The following TRPM2 variants were observed in gnomAD, a reference collection of about 807,000 sequenced individuals.
TRPM2 encodes transient receptor potential cation channel subfamily M member 2, also known as estrogen-responsive element-associated gene 1 protein.
A neutral mutation model predicts 174.0 loss-of-function variants in TRPM2; 161 were observed. That is an observed-to-expected ratio of 0.93 (90% CI 0.81 to 1.05). The LOEUF is 1.05. Ranked by LOEUF, TRPM2 falls within the 50% of genes least tolerant of loss-of-function variation. The pLI is 0.00. For synonymous variants in TRPM2, 954 were observed against 861.3 expected, an observed-to-expected ratio of 1.11 and a Z score of -1.88; for missense variants, 2,057 against 2,038.0, an observed-to-expected ratio of 1.01 and a Z score of -0.18.
Position 44,391,671 on chromosome 21 carries a change from T to C in TRPM2, c.1794+46T>C, listed in dbSNP as rs777970544. ...CCATCCTGGACTCGTCTTCGCGGGC[T>C]ACTGCTATGTTCTTAGAGCTCTCTG... On this transcript the variant is annotated intron_variant, in intron 11 of 31. Coordinates refer to ENST00000397928, the MANE Select transcript of TRPM2 (RefSeq NM_003307.4). This position sits in a 1 kb window ranked among gnomAD's most constrained non-coding sequence, Gnocchi z 5.0. 14 of 1,462,794 alleles carry C rather than the reference T, an allele frequency of 9.6e-6. No homozygotes were observed. The Admixed American group carries it at 2.8e-4, about 30-fold the overall frequency. 90.6% of individuals were successfully genotyped at this position (1,462,794 alleles called of 1,614,324 possible).
chr21:44,402,990 AC>A (rs1003843096), intron 16 of TRPM2, among the ~76,000 whole-genome samples: 1 of 152,098 alleles, frequency 6.6e-6, no homozygotes, highest in African/African-American at 2.4e-5. Context: ...TGGGGGAGGC[AC>A]CGGCGTCCCC....
chr21:44,378,724 C>T lies in TRPM2; in HGVS notation c.1015-273C>T, dbSNP rs150628442. Among the ~76,000 whole-genome samples, 208 of 152,344 alleles carry T rather than the reference C, an allele frequency of 1.4e-3. 1 individual carries two copies. The highest frequency in any genetic ancestry group is 4.0e-3 in the African/African-American group (165 of 41,574). On this transcript the variant is annotated intron_variant, in intron 7 of 31. Transcript: ENST00000397928. ...CGTCCCCTTTGCTGCGAGGCCCTCA[C>T]GTCTGCAGGTCCATGGGCAAAAATG...
chr21:44,431,344 G>A (rs2051015110), intron 27 of TRPM2, among the ~76,000 whole-genome samples: 1 of 145,124 alleles, frequency 6.9e-6, no homozygotes, highest in African/African-American at 2.6e-5. Context: ...TTGCTCTATT[G>A]CCCAGGCAGA....
At chr21:44,425,648 A>C (rs1487778481) in intron 24 of TRPM2, 22 bp from the exon 25 acceptor site, 1 of 1,476,344 alleles carries the variant, frequency 6.8e-7, no homozygotes, top group South Asian at 1.3e-5. Context: ...GCCTTGCGTC[A>C]CGTCTTCCTG....
At chr21:44,435,497 G>C (rs979434792) in intron 28 of TRPM2, among the ~76,000 whole-genome samples, 1 of 151,840 alleles carries the variant, frequency 6.6e-6, no homozygotes, top group Non-Finnish European at 1.5e-5. Context: ...GCCCATTAGA[G>C]GGCACCCTCC....
rs2050786100 is a variant in TRPM2 at position 44,426,548 on chromosome 21, G to T, written c.3796-112G>T. 9 of 1,084,848 alleles carry T rather than the reference G, an allele frequency of 8.3e-6. No individual in the cohort carries two copies. The South Asian group carries it at 1.0e-4, about 12-fold the overall frequency. The allele number at this position is 1,084,848 out of a possible 1,614,324, so 67.2% of individuals were successfully genotyped here. A position where few individuals can be genotyped will look rare whatever the true frequency, so the allele number is the denominator to read the frequency against. ...GCTTGGAGCTTCTGCCCTGCATGTT[G>T]GGATGTTGGGGTCGGGTTCAGACCC... On this transcript the variant is annotated intron_variant, in intron 25 of 31. Transcript: ENST00000397928.
chr21:44,410,937 T>A (rs72497619), intron 19 of TRPM2, among the ~76,000 whole-genome samples: 19 of 62,684 alleles, frequency 3.0e-4, no homozygotes, highest in Non-Finnish European at 5.5e-4. Flanking sequence ...AGTTTTGACC[T>A]CACTGTCTTG....
At chr21:44,392,797 C>T (rs2049224066) in intron 11 of TRPM2, among the ~76,000 whole-genome samples, 2 of 152,090 alleles carry the variant, frequency 1.3e-5, no homozygotes, top group South Asian at 4.1e-4. Flanking sequence ...ATCCCCCTGC[C>T]CTGAGCCCCA....
intron 27 of TRPM2, among the ~76,000 whole-genome samples, chr21:44,434,605 C>T (rs954523795): frequency 6.6e-6 from 1 of 152,158 alleles, no homozygotes; most frequent in African/African-American, 2.4e-5. Flanking sequence ...GGAGACCAGC[C>T]TGGCCCCATG....
At chr21:44,394,208 T>G (rs1354690328) in intron 11 of TRPM2, among the ~76,000 whole-genome samples, 1 of 151,874 alleles carries the variant, frequency 6.6e-6, no homozygotes, top group Non-Finnish European at 1.5e-5. Context: ...TCTGCACTTC[T>G]TAAGTCCAGT....
At chr21:44,431,219 C>T (rs2051010596) in intron 27 of TRPM2, among the ~76,000 whole-genome samples, 1 of 151,776 alleles carries the variant, frequency 6.6e-6, no homozygotes, top group Admixed American at 6.6e-5. Context: ...AGGCTGTAAC[C>T]CTTAAATTTT....
chr21:44,435,215 G>T lies in TRPM2; in HGVS notation c.4059G>T (p.Thr1353=), dbSNP rs778414795. ...GPNHTLYPMV[T]RWRRNEDGAI... is the part of the protein sequence containing the mutation. ...ACCACACGCTGTACCCCATGGTCAC[G>T]CGGTGAGTTCATGTGTGCCGGGCAC... Residue 1353 remains threonine, a splice_region_variant and synonymous_variant, in exon 28 of 32, where the codon ACG becomes ACT. Transcript: ENST00000397928. 3.9e-5 allele frequency: 63 copies of T among 1,612,614 alleles called. No individual in the cohort carries two copies. Among genetic ancestry groups the T allele is most frequent in the South Asian group, 2.0e-4 (18 of 91,048 alleles).
Position 44,379,028 on chromosome 21 carries a change from C to G in TRPM2, c.1046C>G (p.Pro349Arg), listed in dbSNP as rs369040209. 67 of 1,609,246 alleles carry G rather than the reference C, an allele frequency of 4.2e-5. 1 individual carries two copies. The South Asian group carries it at 5.4e-4, about 13-fold the overall frequency. ...GACAACGCCACCACCAACGGCACCC[C>G]CTGTGTGGTTGTGGAGGGCTCGGGC... ...TIDNATTNGT[P>R]CVVVEGSGRV... is the part of the protein sequence containing the mutation. The change falls in exon 8 of 32, where the codon CCC becomes CGC. Residue 349 changes from proline to arginine, a missense_variant. Physicochemically the swap from Pro to Arg is moderately radical, Grantham distance 103. Transcript: ENST00000397928.
At chr21:44,423,512 T>A (rs1372060475) in intron 22 of TRPM2, 133 bp from the exon 23 acceptor site, 1 of 733,274 alleles carries the variant, frequency 1.4e-6, no homozygotes, top group Non-Finnish European at 2.3e-6. Context: ...AGAAATAGTT[T>A]CATATTAAGA....
chr21:44,430,962 TTC>T (rs1206470213), intron 27 of TRPM2, among the ~76,000 whole-genome samples: 1 of 98,898 alleles, frequency 1.0e-5, no homozygotes, highest in Non-Finnish European at 2.7e-5. Context: ...TGTATTTCTC[TTC>T]TTTTTTTTTT....
At chr21:44,353,566 A>G (rs935023236), upstream of TRPM2, 1 of 1,185,770 alleles carries the variant, frequency 8.4e-7, no homozygotes, top group Non-Finnish European at 1.1e-6. Context: ...CTCTCAGAAC[A>G]TCAGCCTCAT....
chr21:44,408,996 T>C (rs949310546), intron 19 of TRPM2, among the ~76,000 whole-genome samples: 1 of 152,158 alleles, frequency 6.6e-6, no homozygotes, highest in Non-Finnish European at 1.5e-5. Flanking sequence ...TTTATATTAT[T>C]GAGTTGTCTT....
intron 19 of TRPM2, among the ~76,000 whole-genome samples, chr21:44,413,658 G>C (rs1412425480): frequency 6.6e-6 from 1 of 152,154 alleles, no homozygotes; most frequent in African/African-American, 2.4e-5. Context: ...CGGAGGCACG[G>C]GCCAGCCTGG....
chr21:44,352,146 G>A (rs2122999539), upstream of TRPM2, among the ~76,000 whole-genome samples: 7 of 152,302 alleles, frequency 4.6e-5, no homozygotes, highest in Non-Finnish European at 8.8e-5. Context: ...TGCTTCCCTC[G>A]GAAGCTGGTT....
Sources: gnomAD v4.1 joint callset for allele counts (sites outside exome capture counted in the v4.1 genomes callset) on GRCh38, gnomAD v4.1.1 for gene constraint, Gnocchi (gnomAD v3.1) non-coding constraint, MANE v1.5 for transcripts, NCBI Gene and HGNC (gene_info 2026-07-23, HGNC 2026-07-21) for gene names.